The following SLC25A21 variants were observed in gnomAD, a reference collection of about 807,000 sequenced individuals.
The protein encoded by SLC25A21 is mitochondrial 2-oxodicarboxylate carrier.
A neutral mutation model predicts 43.8 loss-of-function variants in SLC25A21; 47 were observed. The ratio of observed to expected loss-of-function variants is 1.07; its 90% CI spans 0.85 to 1.37. The LOEUF (loss-of-function observed/expected upper bound fraction) is 1.37, where lower values mean the gene tolerates loss of function less well. Ranked by LOEUF, SLC25A21 falls within the 40% of genes most tolerant of loss-of-function variation. The pLI is 0.00. For missense variants in SLC25A21, 352 were observed against 350.2 expected, an observed-to-expected ratio of 1.00 and a Z score of -0.04; for synonymous variants, 131 against 121.3, an observed-to-expected ratio of 1.08 and a Z score of -0.52.
intron 1 of SLC25A21, among the ~76,000 whole-genome samples, chr14:37,067,783 T>C (rs1456643160): frequency 6.6e-6 from 1 of 152,250 alleles, no homozygotes; most frequent in Non-Finnish European, 1.5e-5. Context: ...AAATTAAGCA[T>C]GTGCTCAGAA....
intron 7 of SLC25A21, among the ~76,000 whole-genome samples, chr14:36,697,319 T>C (rs1883071793): frequency 6.6e-6 from 1 of 152,190 alleles, no homozygotes; most frequent in African/African-American, 2.4e-5. Context: ...TGAGGAGTGC[T>C]TTACTTCCAA....
rs1961438900 is a variant in SLC25A21, at chr14:37,040,379, GAA to G, written c.70+131900_70+131901del. Among the ~76,000 whole-genome samples the G allele has an allele frequency of 1.4e-3, 70 of 51,428 alleles. 2 individuals are homozygous for G. The highest frequency in any genetic ancestry group is 9.1e-3 in the Admixed American group (56 of 6,160). 33.7% of individuals were successfully genotyped at this position (51,428 alleles called of 152,430 possible). A position where few individuals can be genotyped will look rare whatever the true frequency, so the allele number is the denominator to read the frequency against. ...AAAGAAAGAGAGAGAGAGAGAGAAA[GAA>G]AGAAAGAAAGAAAGAAAGAAAGAAA... On this transcript the variant is annotated intron_variant, in intron 1 of 9. Transcript: ENST00000331299.
At chr14:37,035,768 C>T (rs1217945565) in intron 1 of SLC25A21, among the ~76,000 whole-genome samples, 1 of 152,246 alleles carries the variant, frequency 6.6e-6, no homozygotes, top group Non-Finnish European at 1.5e-5. Flanking sequence ...ACAGCTACAT[C>T]TGGAATCCTA....
At chr14:37,106,610 T>C (rs1372758550) in intron 1 of SLC25A21, among the ~76,000 whole-genome samples, 1 of 152,206 alleles carries the variant, frequency 6.6e-6, no homozygotes, top group East Asian at 1.9e-4. Context: ...CCCTTATCAG[T>C]AGCTCTGCTT....
chr14:37,053,406 G>A (rs1473109548), intron 1 of SLC25A21, among the ~76,000 whole-genome samples: 1 of 152,152 alleles, frequency 6.6e-6, no homozygotes, highest in African/African-American at 2.4e-5. Context: ...CATTAAATAT[G>A]AGGCTATTTT....
chr14:36,754,624 G>T (rs1238820318), intron 3 of SLC25A21, among the ~76,000 whole-genome samples: 2 of 152,040 alleles, frequency 1.3e-5, no homozygotes, highest in Non-Finnish European at 2.9e-5. Flanking sequence ...TGAAGCCTGT[G>T]GTCTGTCCCC....
intron 1 of SLC25A21, among the ~76,000 whole-genome samples, chr14:36,937,695 G>C (rs979886270): frequency 6.6e-6 from 1 of 152,142 alleles, no homozygotes; most frequent in Non-Finnish European, 1.5e-5. Context: ...CGAGGAGACG[G>C]ATGGTTAGTC....
At chr14:36,703,629 C>A (rs1453634077) in intron 7 of SLC25A21, among the ~76,000 whole-genome samples, 1 of 152,112 alleles carries the variant, frequency 6.6e-6, no homozygotes, top group East Asian at 1.9e-4. Context: ...ACTGAAAGCA[C>A]CATTTAATAC....
At chr14:36,903,898 C>T (rs1456093700) in intron 1 of SLC25A21, among the ~76,000 whole-genome samples, 1 of 152,202 alleles carries the variant, frequency 6.6e-6, no homozygotes, top group African/African-American at 2.4e-5. Flanking sequence ...AGCGCAATCA[C>T]TTTGCTTTGA....
chr14:36,851,889 T>A (rs939734666), intron 2 of SLC25A21, among the ~76,000 whole-genome samples: 2 of 152,194 alleles, frequency 1.3e-5, no homozygotes, highest in Non-Finnish European at 2.9e-5. Context: ...CAAAAAAGTC[T>A]TTTGCTGGGA....
At chr14:36,924,902 C>T (rs193253783) in intron 1 of SLC25A21, among the ~76,000 whole-genome samples, 7 of 152,040 alleles carry the variant, frequency 4.6e-5, no homozygotes, top group Non-Finnish European at 8.8e-5. Flanking sequence ...GGGACTTGAG[C>T]ATCTGCAGAC....
At chr14:37,149,382 T>C (rs1025954063) in intron 1 of SLC25A21, among the ~76,000 whole-genome samples, 2 of 152,142 alleles carry the variant, frequency 1.3e-5, no homozygotes, top group Non-Finnish European at 2.9e-5. Flanking sequence ...TTTCATATCA[T>C]ATTCCTATTT....
At chr14:36,694,159 G>A (rs922918575) in intron 7 of SLC25A21, among the ~76,000 whole-genome samples, 4 of 151,898 alleles carry the variant, frequency 2.6e-5, no homozygotes, top group Non-Finnish European at 5.9e-5. Context: ...GAGAACATGC[G>A]GTGTTTGGTT....
chr14:36,808,472 A>C, intron 3 of SLC25A21, among the ~76,000 whole-genome samples: 1 of 152,178 alleles, frequency 6.6e-6, no homozygotes, highest in Non-Finnish European at 1.5e-5. Context: ...AAGCTGCTTT[A>C]AGTCGCTGTG....
intron 1 of SLC25A21, among the ~76,000 whole-genome samples, chr14:36,908,584 A>C (rs1022480494): frequency 6.6e-6 from 1 of 152,206 alleles, no homozygotes; most frequent in African/African-American, 2.4e-5. Context: ...TATGGTAGCT[A>C]CTAGCCTCAT....
chr14:36,842,323 C>G (rs712365), intron 2 of SLC25A21, among the ~76,000 whole-genome samples: 108,380 of 152,134 alleles, frequency 0.71, 38,861 homozygotes, highest in African/African-American at 0.77. Context: ...ATGAGGTCCT[C>G]GCAGAAATAA....
intron 1 of SLC25A21, among the ~76,000 whole-genome samples, chr14:37,063,450 G>C (rs530278715): frequency 6.6e-6 from 1 of 150,578 alleles, no homozygotes; most frequent in Non-Finnish European, 1.5e-5. Context: ...CAGTGAGCCA[G>C]GATTTTGCCA....
chr14:37,168,341 T>C (rs1964066411), intron 1 of SLC25A21, among the ~76,000 whole-genome samples: 1 of 152,208 alleles, frequency 6.6e-6, no homozygotes, highest in South Asian at 2.1e-4. Context: ...GATGTACGCA[T>C]CAGTTTCTTC....
At position 36,796,980 on chromosome 14, in the gene SLC25A21, T is replaced by C. The variant is rs143041910; in HGVS notation, c.203+16938A>G. ...TGCTTACTTTTTTCCTTCTATCTAT[T>C]TTACTCAGTGGACATAGGATCAGGA... On this transcript the variant is annotated intron_variant, in intron 3 of 9. Coordinates refer to ENST00000331299, the MANE Select transcript of SLC25A21 (RefSeq NM_030631.4). 2.1e-4 allele frequency among the ~76,000 whole-genome samples: 32 copies of C among 152,250 alleles called. No homozygotes were observed. The East Asian group carries it at 6.2e-3, about 29-fold the overall frequency.
Sources: allele counts gnomAD v4.1 joint callset (sites outside exome capture counted in the v4.1 genomes callset), GRCh38; gene constraint gnomAD v4.1.1; transcripts MANE v1.5; gene names NCBI Gene and HGNC (gene_info 2026-07-23, HGNC 2026-07-21).